Variants in L3MBTL4 observed in about 807,000 individuals in gnomAD.
L3MBTL4 encodes the protein lethal(3)malignant brain tumor-like protein 4.
Under a neutral mutation model 84.5 loss-of-function variants are expected in L3MBTL4, and 70 were observed. The observed-to-expected ratio is 0.83, with a 90% CI of 0.68 to 1.01. L3MBTL4 has a LOEUF of 1.01. L3MBTL4 is among the 50% of genes least tolerant of loss of function. The pLI is 0.00. For missense variants in L3MBTL4, 715 were observed against 754.8 expected, an observed-to-expected ratio of 0.95 and a Z score of 0.62; for synonymous variants, 274 against 259.8, an observed-to-expected ratio of 1.05 and a Z score of -0.52.
chr18:6,281,500 G>A (rs990803556), intron 4 of L3MBTL4, among the ~76,000 whole-genome samples: 1 of 152,160 alleles, frequency 6.6e-6, no homozygotes, highest in Admixed American at 6.5e-5. Flanking sequence ...AACATAAAAA[G>A]GATGATTTCC....
chr18:6,042,558 C>A (rs1307706347), intron 16 of L3MBTL4, among the ~76,000 whole-genome samples: 1 of 152,204 alleles, frequency 6.6e-6, no homozygotes, highest in Non-Finnish European at 1.5e-5. Context: ...TTCAATCCAA[C>A]ACAATGGGTT....
chr18:6,137,160 G>C (rs2060050999), intron 14 of L3MBTL4, among the ~76,000 whole-genome samples: 1 of 152,190 alleles, frequency 6.6e-6, no homozygotes, highest in Non-Finnish European at 1.5e-5. Flanking sequence ...ACACTGCTGG[G>C]ACTAAGACAT....
intron 15 of L3MBTL4, among the ~76,000 whole-genome samples, chr18:6,083,414 C>A (rs913929013): frequency 1.3e-5 from 2 of 152,190 alleles, no homozygotes; most frequent in African/African-American, 4.8e-5. Context: ...ACAGAACAAA[C>A]TGAAGCCAGC....
At chr18:6,405,658 G>A (rs1347232913) in intron 1 of L3MBTL4, among the ~76,000 whole-genome samples, 1 of 151,804 alleles carries the variant, frequency 6.6e-6, no homozygotes, top group Admixed American at 6.6e-5. Flanking sequence ...TAAACACAGG[G>A]GCTGGGCCCG....
intron 17 of L3MBTL4, among the ~76,000 whole-genome samples, chr18:5,967,022 C>T (rs1459381751): frequency 6.6e-6 from 1 of 152,176 alleles, no homozygotes; most frequent in Admixed American, 6.5e-5. Context: ...TCCTTCTCAT[C>T]CACCTCTTCT....
intron 1 of L3MBTL4, among the ~76,000 whole-genome samples, chr18:6,349,162 A>G (rs976904041): frequency 4.6e-5 from 7 of 152,214 alleles, no homozygotes; most frequent in African/African-American, 1.7e-4. Flanking sequence ...ACTGAACATA[A>G]ACATATCCTA....
intron 7 of L3MBTL4, 33 bp downstream of exon 7, chr18:6,243,261 C>A: frequency 6.9e-7 from 1 of 1,454,166 alleles, no homozygotes. Flanking sequence ...CCAATTGATT[C>A]TCTTTCCAGT....
intron 1 of L3MBTL4, among the ~76,000 whole-genome samples, chr18:6,350,815 A>C (rs1460603080): frequency 6.6e-6 from 1 of 152,232 alleles, no homozygotes; most frequent in African/African-American, 2.4e-5. Context: ...CAAAGAGTAG[A>C]AACAACCTAC....
intron 1 of L3MBTL4, among the ~76,000 whole-genome samples, chr18:6,381,555 T>A (rs1004300760): frequency 6.6e-5 from 10 of 152,356 alleles, no homozygotes; most frequent in African/African-American, 2.2e-4. Context: ...AGCATTTGCT[T>A]GTCTGTAAAG....
chr18:6,264,771 C>A (rs1419121907), intron 4 of L3MBTL4, among the ~76,000 whole-genome samples: 8 of 152,048 alleles, frequency 5.3e-5, no homozygotes, highest in African/African-American at 7.2e-5. Context: ...GCCACAAGAG[C>A]GAAATCTCAT....
At chr18:6,154,472 A>G (rs1391614744) in intron 13 of L3MBTL4, among the ~76,000 whole-genome samples, 2 of 152,186 alleles carry the variant, frequency 1.3e-5, no homozygotes, top group Non-Finnish European at 2.9e-5. Flanking sequence ...ACAGTACTCA[A>G]GAATGGAATC....
At chr18:6,408,027 C>A (rs1452105650) in intron 1 of L3MBTL4, among the ~76,000 whole-genome samples, 1 of 152,076 alleles carries the variant, frequency 6.6e-6, no homozygotes, top group Non-Finnish European at 1.5e-5. Flanking sequence ...CCCCTCCAAA[C>A]ACACAAAAAG....
At chr18:6,399,317 A>G (rs1170640602) in intron 1 of L3MBTL4, among the ~76,000 whole-genome samples, 1 of 152,134 alleles carries the variant, frequency 6.6e-6, no homozygotes, top group East Asian at 1.9e-4. Flanking sequence ...GCATGCCTAT[A>G]GTCCCAGCTA....
chr18:6,030,872 A>G, intron 16 of L3MBTL4: 1 of 985,202 alleles, frequency 1.0e-6, no homozygotes, highest in Non-Finnish European at 1.2e-6. Context: ...GCACTGTAGG[A>G]TATAAACAAC....
chr18:6,338,899 A>T (rs2052471894), intron 1 of L3MBTL4, among the ~76,000 whole-genome samples: 1 of 152,202 alleles, frequency 6.6e-6, no homozygotes, highest in Non-Finnish European at 1.5e-5. Context: ...ATATTACCAA[A>T]TACTTTTTAA....
At chr18:6,001,905 A>G (rs2054232684) in intron 16 of L3MBTL4, among the ~76,000 whole-genome samples, 1 of 152,182 alleles carries the variant, frequency 6.6e-6, no homozygotes, top group Admixed American at 6.5e-5. Context: ...AGCTTCCCAA[A>G]TTTAAGGAAA....
At chr18:6,073,778 C>G (rs911158908) in intron 16 of L3MBTL4, among the ~76,000 whole-genome samples, 1 of 152,098 alleles carries the variant, frequency 6.6e-6, no homozygotes, top group Non-Finnish European at 1.5e-5. Flanking sequence ...ATTAACAACT[C>G]TTTTAACTAG....
chr18:6,214,578 T>C (rs1371852494), intron 11 of L3MBTL4, among the ~76,000 whole-genome samples: 3 of 152,222 alleles, frequency 2.0e-5, no homozygotes, highest in Non-Finnish European at 4.4e-5. Flanking sequence ...CAGTCAAATC[T>C]TTCTGCAATA....
chr18:6,244,064 G>C (rs778065225), intron 6 of L3MBTL4, among the ~76,000 whole-genome samples: 9 of 151,936 alleles, frequency 5.9e-5, no homozygotes, highest in Non-Finnish European at 1.3e-4. Context: ...CATTCATCAA[G>C]AGCTCTCCAC....
Sources: allele counts gnomAD v4.1 joint callset (sites outside exome capture counted in the v4.1 genomes callset), GRCh38; gene constraint gnomAD v4.1.1; transcripts MANE v1.5; gene names NCBI Gene and HGNC (gene_info 2026-07-23, HGNC 2026-07-21).